The following TTN variants were observed in gnomAD, a reference collection of about 807,000 sequenced individuals.
The protein encoded by TTN is connectin.
In TTN, 1,525 loss-of-function variants were observed where a neutral mutation model predicts 3,223.0. The observed-to-expected ratio is 0.47, with a 90% CI of 0.45 to 0.49. The LOEUF is 0.49. Ranked by LOEUF, TTN falls within the 20% of genes least tolerant of loss-of-function variation. The pLI, the probability that TTN is intolerant of heterozygous loss-of-function variation, is 0.00. For synonymous variants in TTN, 14,094 were observed against 15,161.0 expected, an observed-to-expected ratio of 0.93 and a Z score of 5.17; for missense variants, 40,786 against 43,424.0, an observed-to-expected ratio of 0.94 and a Z score of 5.40.
intron 189 of TTN, 60 bp downstream of exon 189, chr2:178,657,436 GAA>G (rs2063935444): frequency 1.0e-6 from 1 of 953,584 alleles, no homozygotes; most frequent in South Asian, 2.7e-5. Context: ...TATATAAAAA[GAA>G]AAATATTTTC....
intron 59 of TTN, 32 bp downstream of exon 59, chr2:178,731,273 C>T: frequency 6.2e-7 from 1 of 1,611,510 alleles, no homozygotes; most frequent in Non-Finnish European, 8.5e-7. Flanking sequence ...TGCATTTCTT[C>T]CTCAAACCCA....
rs773333089 is a variant in TTN at position 178,723,446 on chromosome 2, T to C, written c.21654A>G (p.Ala7218=). The stretch of plus-strand genomic sequence containing the variant: ...TCACAAAGAGACGGGTAGTGCAAGA[T>C]GCTTGGCCAGCGTTGTTAGAAACCA... ...TCVVSNNAGQ[A]SCTTRLFVKE... is the part of the protein sequence containing the mutation. Residue 7218 remains alanine (A), a synonymous_variant, in exon 74 of 363, where the codon GCA becomes GCG. Coordinates refer to ENST00000589042, the MANE Select transcript of TTN (RefSeq NM_001267550.2). 1.2e-6 allele frequency: 2 copies of C among 1,613,170 alleles called. No individual in the cohort carries two copies. The highest frequency in any genetic ancestry group is 1.7e-6 in the Non-Finnish European group (2 of 1,179,482).
At chr2:178,645,814 A>C in intron 217 of TTN, 106 bp downstream of exon 217, 2 of 658,668 alleles carry the variant, frequency 3.0e-6, no homozygotes, top group Non-Finnish European at 4.9e-6. Flanking sequence ...ATCATGTCTG[A>C]AAGTACACAC....
chr2:178,736,662 AT>A (rs1271078390), intron 49 of TTN, among the ~76,000 whole-genome samples: 3 of 152,036 alleles, frequency 2.0e-5, no homozygotes, highest in Non-Finnish European at 4.4e-5. Context: ...TCTCTTTTTA[AT>A]TTTTTTAAGT....
chr2:178,653,325 A>C lies in TTN; in HGVS notation c.38708-4T>G, dbSNP rs200819643. ...ACTTCTTTGGGAGCCTCTGGCACTT[A>C]AAAGATATTAGTAAAGTTACATGTA... On this transcript the variant is annotated splice_polypyrimidine_tract_variant and splice_region_variant and intron_variant, in intron 197 of 362. Coordinates refer to ENST00000589042, the MANE Select transcript of TTN (RefSeq NM_001267550.2). 6.3e-7 allele frequency: 1 copy of C among 1,577,898 alleles called. No individual in the cohort carries two copies. Among genetic ancestry groups the C allele is most frequent in the Admixed American group, 1.7e-5 (1 of 58,586 alleles).
In TTN at chr2:178,613,011, C is replaced by G. The variant is rs1345231824; in HGVS notation, c.49710G>C (p.Leu16570Phe). Residue 16570 changes from leucine to phenylalanine, a missense_variant, in exon 265 of 363, where the codon TTG (leucine) becomes TTC (phenylalanine). By Grantham distance (22) the Leu-to-Phe change is conservative. Coordinates refer to ENST00000589042, the MANE Select transcript of TTN (RefSeq NM_001267550.2). ...CATCATGTTCTGGTTTTGTCCAATT[C>G]AACCTTACTGATGTTTTGCCTACAT... ...VKDVGKTSVR[L>F]NWTKPEHDGG... 6.2e-7 allele frequency: 1 copy of G among 1,612,682 alleles called. No individual in the cohort carries two copies. Among genetic ancestry groups the G allele is most frequent in the African/African-American group, 1.3e-5 (1 of 74,834 alleles).
intron 307 of TTN, 93 bp downstream of exon 307, chr2:178,587,025 C>T (rs1250712699): frequency 5.9e-6 from 9 of 1,517,064 alleles, no homozygotes; most frequent in Admixed American, 1.9e-5. Context: ...CAAATGAAAT[C>T]TCTTTCAGAA....
intron 164 of TTN, 28 bp from the exon 165 acceptor site, chr2:178,665,488 A>C: frequency 6.2e-7 from 1 of 1,605,212 alleles, no homozygotes; most frequent in African/African-American, 1.3e-5. Context: ...TTATGGTTAG[A>C]GGTTAAAAGG....
At position 178,741,664 on chromosome 2, in the gene TTN, C is replaced by T. The variant is rs777025488; in HGVS notation, c.11569G>A (p.Gly3857Arg). ...PKPKIQWFFN[G>R]VLLTPSADYK... ...TCAGCAGAAGGGGTTAATAGCACTC[C>T]ATTAAAGAACCACTGAATTTTAGGT... Residue 3857 changes from glycine (G) to arginine (R), a missense_variant, in exon 48 of 363, where the codon GGA (glycine) becomes AGA (arginine). Gly to Arg is a moderately radical substitution (Grantham distance 125). Transcript: ENST00000589042. The T allele has an allele frequency of 5.0e-6, 8 of 1,613,784 alleles. No individual in the cohort carries two copies. Among genetic ancestry groups the T allele is most frequent in the Non-Finnish European group, 1.7e-6 (2 of 1,179,778 alleles).
chr2:178,731,084 G>A lies in TTN; in HGVS notation c.17581C>T (p.Gln5861Ter). 1 of 1,613,620 alleles carries A rather than the reference G, an allele frequency of 6.2e-7. No homozygotes were observed. Among genetic ancestry groups the A allele is most frequent in the Non-Finnish European group, 8.5e-7 (1 of 1,179,692 alleles). The change falls in exon 60 of 363, where the codon CAA (glutamine) becomes TAA (stop). Residue 5861 changes from glutamine (Q) to a stop codon, truncating the protein, a stop_gained. Coordinates refer to ENST00000589042, the MANE Select transcript of TTN (RefSeq NM_001267550.2). LOFTEE classifies it high-confidence loss of function. ...EITAKWFKDG[Q>*]ELTLGSKYKI... ...TATTTTGAGCCCAGGGTCAGTTCTT[G>A]GCCATCTTTAAACCATTTGGCTGTA...
At chr2:178,778,691 T>G (rs755604348) in intron 24 of TTN, 183 bp downstream of exon 24, 78 of 772,428 alleles carry the variant, frequency 1.0e-4, no homozygotes, top group Non-Finnish European at 1.6e-4. Flanking sequence ...CTGATGAAAA[T>G]TCTTTGCTCA....
Position 178,667,545 on chromosome 2 carries a change from G to T in TTN, c.35630-20C>A. ...CAGGCACTTAAAAGATATGAGTATA[G>T]TTATATTTATAAATGGTGAAGAAAA... On this transcript the variant is annotated intron_variant, in intron 160 of 362. Transcript: ENST00000589042. 5.0e-6 allele frequency: 8 copies of T among 1,585,580 alleles called. No individual in the cohort carries two copies. The highest frequency in any genetic ancestry group is 6.8e-6 in the Non-Finnish European group (8 of 1,173,728).
Position 178,692,569 on chromosome 2 carries a change from GT to G in TTN, c.31605del (p.Pro10536LeufsTer89). On this transcript the variant is annotated frameshift_variant, in exon 120 of 363. Coordinates refer to ENST00000589042, the MANE Select transcript of TTN (RefSeq NM_001267550.2). LOFTEE classifies it high-confidence loss of function. ...ACTTCTTCTGGAGCTGGTTTCTCAG[GT>G]AGCTCAGGGACTTTAAAAGAAAAGT... is the stretch of plus-strand genomic sequence containing the variant. Reference protein sequence around the residue: ...RVEPPPKVPELPEKPAPEEVA... With the variant: ...RVEPPPKVPEXPEKPAPEEVA... The G allele has an allele frequency of 6.4e-7, 1 of 1,556,260 alleles. No homozygotes were observed. Among genetic ancestry groups the G allele is most frequent in the Non-Finnish European group, 8.7e-7 (1 of 1,153,732 alleles).
Position 178,738,275 on chromosome 2 carries a change from A to G in TTN, c.14178T>C (p.Ala4726=), listed in dbSNP as rs2154316736. 1 of 1,613,612 alleles carries G rather than the reference A, an allele frequency of 6.2e-7. No homozygotes were observed. Among genetic ancestry groups the G allele is most frequent in the Non-Finnish European group, 8.5e-7 (1 of 1,179,712 alleles). Reference sequence around the variant, plus strand: ...TAAACCACTGGAACCGGACATTGGGAGCACTTTGGATCTCACAGGTGAATT... The same window carrying G: ...TAAACCACTGGAACCGGACATTGGGGGCACTTTGGATCTCACAGGTGAATT... ...LAKFTCEIQS[A]PNVRFQWFKA... is the part of the protein sequence containing the mutation. Residue 4726 remains alanine (A), a synonymous_variant, in exon 49 of 363, where the codon GCT becomes GCC. Coordinates refer to ENST00000589042, the MANE Select transcript of TTN (RefSeq NM_001267550.2).
In TTN at chr2:178,532,418, T is replaced by G; in HGVS notation, c.104197A>C (p.Ile34733Leu). The change falls in exon 358 of 363, where the codon ATC (isoleucine) becomes CTC (leucine). Residue 34733 changes from isoleucine (I) to leucine (L), a missense_variant. Physicochemically the swap from Ile to Leu is conservative, Grantham distance 5. Transcript: ENST00000589042. The stretch of plus-strand genomic sequence containing the variant: ...GTACTAGCTTCAGCCTTCGTTGGGA[T>G]GTGATAGGTTGAATACCTGAAGTCT... ...RKDFRYSTYH[I>L]PTKAEASTSY... 6.2e-7 allele frequency: 1 copy of G among 1,613,990 alleles called. No homozygotes were observed. Among genetic ancestry groups the G allele is most frequent in the Non-Finnish European group, 8.5e-7 (1 of 1,179,874 alleles).
Position 178,794,391 on chromosome 2 carries a change from G to A in TTN, c.1398+8C>T, listed in dbSNP as rs72647848. ...TCTGCGGGTGCCCCATGGCAGCCTC[G>A]CACGTACCTGTTCTTGAGCAGGTTG... On this transcript the variant is annotated splice_region_variant and intron_variant, in intron 8 of 362. Transcript: ENST00000589042. 2.0e-3 allele frequency: 3,167 copies of A among 1,614,040 alleles called. 69 individuals are homozygous for A. In the African/African-American group the frequency reaches 0.037, roughly 19 times the overall value.
Position 178,634,893 on chromosome 2 carries a change from C to G in TTN, c.42025-44G>C. 6.3e-7 allele frequency: 1 copy of G among 1,577,176 alleles called. No individual in the cohort carries two copies. The highest frequency in any genetic ancestry group is 8.6e-7 in the Non-Finnish European group (1 of 1,167,232). On this transcript the variant is annotated intron_variant, in intron 228 of 362. Transcript: ENST00000589042. The surrounding 1 kb of genome is among the most constrained non-coding windows in gnomAD (Gnocchi z 4.6). ...AGTAACCATTTGAAAGAGATAAATTCCCTATAGGAGAAGTGTTTCAGATAC... is the reference window on the plus strand; with the variant it reads ...AGTAACCATTTGAAAGAGATAAATTGCCTATAGGAGAAGTGTTTCAGATAC...
In TTN at chr2:178,577,330, G is replaced by T; in HGVS notation, c.69005C>A (p.Ser23002Tyr). 1.9e-6 allele frequency: 3 copies of T among 1,612,860 alleles called. No individual in the cohort carries two copies. Among genetic ancestry groups the T allele is most frequent in the East Asian group, 4.5e-5 (2 of 44,748 alleles). Residue 23002 changes from serine (S) to tyrosine (Y), a missense_variant, in exon 324 of 363, where the codon TCT becomes TAT. By Grantham distance (144) the Ser-to-Tyr change is moderately radical (BLOSUM62 -2). Transcript: ENST00000589042. ...DITQITSTPT[S>Y]SMLTIKYATR... ...GGCATACTTGATAGTAAGCATGGAA[G>T]ATGTTGGGGTTGAAGTTATCTGAGT...
chr2:178,599,427 A>G lies in TTN; in HGVS notation c.56366T>C (p.Val18789Ala), dbSNP rs377635048. 13 of 1,546,510 alleles carry G rather than the reference A, an allele frequency of 8.4e-6. No individual in the cohort carries two copies. The highest frequency in any genetic ancestry group is 1.1e-5 in the Non-Finnish European group (13 of 1,149,388). The change falls in exon 290 of 363, where the codon GTG (valine) becomes GCG (alanine). Residue 18789 changes from valine to alanine, a missense_variant. By Grantham distance (64) the Val-to-Ala change is moderately conservative. Coordinates refer to ENST00000589042, the MANE Select transcript of TTN (RefSeq NM_001267550.2). ...LNVLGRPGPP[V>A]GPIKFESVSA... is the part of the protein sequence containing the mutation. ...AACAGATTCAAATTTTATGGGTCCCACTGGAGGGCCAGGACGACCTAAAAT... is the reference window on the plus strand; with the variant it reads ...AACAGATTCAAATTTTATGGGTCCCGCTGGAGGGCCAGGACGACCTAAAAT...
Sources: gnomAD v4.1 joint callset for allele counts (sites outside exome capture counted in the v4.1 genomes callset) on GRCh38, gnomAD v4.1.1 for gene constraint, Gnocchi (gnomAD v3.1) non-coding constraint, MANE v1.5 for transcripts, NCBI Gene and HGNC (gene_info 2026-07-23, HGNC 2026-07-21) for gene names.